The following TTLL7 variants were observed in gnomAD, a reference collection of about 807,000 sequenced individuals.
TTLL7 encodes tubulin polyglutamylase TTLL7.
In TTLL7, 53 loss-of-function variants were observed where a neutral mutation model predicts 120.2. The ratio of observed to expected loss-of-function variants is 0.44; its 90% CI spans 0.35 to 0.55. The LOEUF (loss-of-function observed/expected upper bound fraction) is 0.55. Among genes scored for constraint, TTLL7 ranks in the 20% least tolerant of loss-of-function variants. TTLL7 has a pLI of 0.00. For synonymous variants in TTLL7, 353 were observed against 351.7 expected (o/e 1.00, Z -0.04); for missense variants, 803 against 1,054.7 (o/e 0.76, Z 3.31).
In TTLL7 at chr1:83,865,398, T is replaced by G. The variant is rs574039496; in HGVS notation, c.*4564A>C. 3 of 152,146 alleles carry G rather than the reference T, an allele frequency of 2.0e-5. No individual in the cohort carries two copies. Among genetic ancestry groups the G allele is most frequent in the African/African-American group, 7.2e-5 (3 of 41,562 alleles). The allele number at this position is 152,146 out of a possible 1,614,324, so 9.4% of individuals were successfully genotyped here. On this transcript the variant is annotated 3_prime_UTR_variant, in exon 21 of 21. Coordinates refer to ENST00000260505, the MANE Select transcript of TTLL7 (RefSeq NM_024686.6). The stretch of plus-strand genomic sequence containing the variant: ...AGAAATATCAGTGTTATTTCATTAC[T>G]TTTGTAAGGTAAGCCTTATTACTAA...
At chr1:83,871,157 A>G (rs907740181) in intron 20 of TTLL7, among the ~76,000 whole-genome samples, 19 of 151,898 alleles carry the variant, frequency 1.3e-4, no homozygotes, top group African/African-American at 4.6e-4. Flanking sequence ...CTGGGATTAC[A>G]GGCATGTGCT....
intron 1 of TTLL7, among the ~76,000 whole-genome samples, chr1:83,956,732 A>G (rs941562925): frequency 6.6e-6 from 1 of 152,150 alleles, no homozygotes; most frequent in African/African-American, 2.4e-5. Context: ...GCCCAGCCCT[A>G]ACCCACATTT....
At chr1:83,889,783 A>G (rs1235673586) in intron 19 of TTLL7, among the ~76,000 whole-genome samples, 1 of 152,116 alleles carries the variant, frequency 6.6e-6, no homozygotes, top group Admixed American at 6.6e-5. Context: ...TGACAGAAAA[A>G]TAATAGGATT....
At chr1:83,998,396 C>A (rs987781683) in intron 1 of TTLL7, among the ~76,000 whole-genome samples, 1 of 152,052 alleles carries the variant, frequency 6.6e-6, no homozygotes, top group Non-Finnish European at 1.5e-5. Flanking sequence ...GTCGAGGGAA[C>A]GCTGCGATGT....
chr1:83,907,706 A>T, intron 15 of TTLL7, 45 bp from the exon 16 acceptor site: 2 of 1,560,098 alleles, frequency 1.3e-6, no homozygotes, highest in African/African-American at 1.4e-5. Context: ...CAGTATTAAT[A>T]CAAGTTTTTC....
rs1039846300 is a variant in TTLL7, at chr1:83,868,948, T to TTTTA, written c.*1010_*1013dup. ...TTTTATTTATTTATTTTTATCTTCT[T>TTTTA]TTTATTTATTTATTTATTTTATTTT... On this transcript the variant is annotated 3_prime_UTR_variant, in exon 21 of 21. Transcript: ENST00000260505. The TTTTA allele has an allele frequency of 2.0e-5, 3 of 150,354 alleles. No individual in the cohort carries two copies. Among genetic ancestry groups the TTTTA allele is most frequent in the African/African-American group, 7.3e-5 (3 of 41,208 alleles). The allele number at this position is 150,354 out of a possible 1,614,324, so 9.3% of individuals were successfully genotyped here. A position where few individuals can be genotyped will look rare whatever the true frequency, so the allele number is the denominator to read the frequency against.
chr1:83,997,626 T>C (rs1210217539), intron 1 of TTLL7, among the ~76,000 whole-genome samples: 1 of 152,230 alleles, frequency 6.6e-6, no homozygotes, highest in Non-Finnish European at 1.5e-5. Context: ...TCACCTGTTA[T>C]GCAATATCAC....
At chr1:83,873,627 A>T (rs1185828131) in intron 20 of TTLL7, among the ~76,000 whole-genome samples, 1 of 152,098 alleles carries the variant, frequency 6.6e-6, no homozygotes, top group Non-Finnish European at 1.5e-5. Context: ...CATCCTCCTC[A>T]TCCCTAAGGC....
At chr1:83,870,957 C>T (rs1350757630) in intron 20 of TTLL7, among the ~76,000 whole-genome samples, 1 of 150,324 alleles carries the variant, frequency 6.7e-6, no homozygotes, top group Non-Finnish European at 1.5e-5. Flanking sequence ...CCCTTGCAGC[C>T]AAATGTATTT....
intron 18 of TTLL7, among the ~76,000 whole-genome samples, chr1:83,898,458 G>A (rs1656435529): frequency 6.6e-6 from 1 of 151,858 alleles, no homozygotes; most frequent in Non-Finnish European, 1.5e-5. Context: ...AAGGCCATAG[G>A]CAATACTGAA....
chr1:83,884,308 A>G (rs1654780936), intron 19 of TTLL7, among the ~76,000 whole-genome samples: 1 of 151,980 alleles, frequency 6.6e-6, no homozygotes, highest in South Asian at 2.1e-4. Context: ...CACAGGAAAA[A>G]GTATTCAGGA....
At chr1:83,954,925 G>A (rs1571300170) in intron 1 of TTLL7, among the ~76,000 whole-genome samples, 1 of 146,514 alleles carries the variant, frequency 6.8e-6, no homozygotes, top group African/African-American at 2.5e-5. Context: ...TTAAGATAAA[G>A]AAACAGAATT....
At chr1:83,886,465 A>T (rs1486290296) in intron 19 of TTLL7, among the ~76,000 whole-genome samples, 1 of 152,082 alleles carries the variant, frequency 6.6e-6, no homozygotes, top group Non-Finnish European at 1.5e-5. Context: ...CATCCAATTG[A>T]AAGTGATATG....
At chr1:83,954,791 A>G (rs1004753901) in intron 1 of TTLL7, among the ~76,000 whole-genome samples, 1 of 152,110 alleles carries the variant, frequency 6.6e-6, no homozygotes, top group African/African-American at 2.4e-5. Context: ...AAAGTAAAAG[A>G]AAACTCATAA....
chr1:83,983,391 T>TG (rs1401717421), intron 1 of TTLL7, among the ~76,000 whole-genome samples: 2 of 152,082 alleles, frequency 1.3e-5, no homozygotes, highest in Non-Finnish European at 2.9e-5. Context: ...TAAATGACAC[T>TG]GGAATAACTG....
intron 7 of TTLL7, among the ~76,000 whole-genome samples, chr1:83,938,614 A>C (rs1433934178): frequency 6.6e-6 from 1 of 152,172 alleles, no homozygotes; most frequent in African/African-American, 2.4e-5. Context: ...GCAGGTGTAC[A>C]GTACCGTATC....
intron 1 of TTLL7, among the ~76,000 whole-genome samples, chr1:83,983,620 G>A (rs1428681290): frequency 1.3e-5 from 2 of 152,042 alleles, no homozygotes; most frequent in Non-Finnish European, 2.9e-5. Context: ...TTGACAAGTG[G>A]GATCTCATCA....
chr1:83,908,464 G>C (rs928317748), intron 15 of TTLL7, among the ~76,000 whole-genome samples: 4 of 151,972 alleles, frequency 2.6e-5, no homozygotes, highest in Non-Finnish European at 1.5e-5. Context: ...TTTTAAGTAG[G>C]TTAAATTCCT....
At chr1:83,890,545 G>A in intron 18 of TTLL7, 64 bp from the exon 19 acceptor site, 1 of 1,393,974 alleles carries the variant, frequency 7.2e-7, no homozygotes, top group Middle Eastern at 2.0e-4. Flanking sequence ...ATTCAAAGAT[G>A]TAGCTTGAGC....
Sources: gnomAD v4.1 joint callset for allele counts (sites outside exome capture counted in the v4.1 genomes callset) on GRCh38, gnomAD v4.1.1 for gene constraint, MANE v1.5 for transcripts, NCBI Gene and HGNC (gene_info 2026-07-23, HGNC 2026-07-21) for gene names.